The following MACROD2 variants were observed in gnomAD, a reference collection of about 807,000 sequenced individuals.
MACROD2 encodes the protein ADP-ribose glycohydrolase MACROD2.
In MACROD2, 36 loss-of-function variants were observed where a neutral mutation model predicts 70.4. That is an observed-to-expected ratio of 0.51 (90% confidence interval 0.39 to 0.68). MACROD2 has a LOEUF of 0.68. Among genes scored for constraint, MACROD2 ranks in the 30% least tolerant of loss-of-function variants. The probability of loss-of-function intolerance (pLI) is 0.00; values close to 1 mark genes in which losing one functional copy is unlikely to be tolerated. For missense variants in MACROD2, 496 were observed against 538.4 expected (o/e 0.92, Z 0.78); for synonymous variants, 172 against 178.8 (o/e 0.96, Z 0.30).
At chr20:14,885,341 A>G (rs1390618935) in intron 5 of MACROD2, among the ~76,000 whole-genome samples, 3 of 152,148 alleles carry the variant, frequency 2.0e-5, no homozygotes, top group Non-Finnish European at 4.4e-5. Context: ...ACTTAATCAG[A>G]TATTATTGTA....
intron 4 of MACROD2, among the ~76,000 whole-genome samples, chr20:14,557,224 T>G (rs1429197067): frequency 6.6e-6 from 1 of 151,826 alleles, no homozygotes; most frequent in Non-Finnish European, 1.5e-5. Context: ...AAAAATTAAC[T>G]CCGAATGGAT....
At chr20:15,700,348 C>T (rs1322172952) in intron 8 of MACROD2, among the ~76,000 whole-genome samples, 1 of 152,178 alleles carries the variant, frequency 6.6e-6, no homozygotes, top group Non-Finnish European at 1.5e-5. Context: ...GAGCATCAGG[C>T]TGCAAGGACG....
At chr20:14,994,387 G>A (rs915078007) in intron 5 of MACROD2, among the ~76,000 whole-genome samples, 43 of 151,798 alleles carry the variant, frequency 2.8e-4, no homozygotes, top group African/African-American at 8.9e-4. Flanking sequence ...AAGGAAAAAC[G>A]TTCTTGATCT....
chr20:14,955,127 A>AAT (rs2074521601), intron 5 of MACROD2, among the ~76,000 whole-genome samples: 1 of 32,164 alleles, frequency 3.1e-5, no homozygotes, highest in Admixed American at 3.1e-4. Flanking sequence ...TAACTTATAT[A>AAT]TTATAATTTA....
intron 12 of MACROD2, among the ~76,000 whole-genome samples, chr20:15,940,518 A>G (rs2065736529): frequency 6.6e-6 from 1 of 152,200 alleles, no homozygotes; most frequent in African/African-American, 2.4e-5. Flanking sequence ...TCACTGTCTT[A>G]TTTTAATAAA....
intron 8 of MACROD2, among the ~76,000 whole-genome samples, chr20:15,676,600 C>T (rs1358372046): frequency 6.6e-6 from 1 of 152,146 alleles, no homozygotes; most frequent in Non-Finnish European, 1.5e-5. Flanking sequence ...ATTTATGGGG[C>T]AGTTGAAACT....
chr20:14,969,395 C>T (rs1600889226), intron 5 of MACROD2, among the ~76,000 whole-genome samples: 1 of 145,996 alleles, frequency 6.8e-6, no homozygotes, highest in South Asian at 2.1e-4. Flanking sequence ...CACACACACA[C>T]ACACACATAT....
chr20:16,045,897 T>C (rs990704808), intron 17 of MACROD2, among the ~76,000 whole-genome samples: 1 of 152,080 alleles, frequency 6.6e-6, no homozygotes. Flanking sequence ...TATAATCCTC[T>C]TCCATACCCT....
intron 5 of MACROD2, among the ~76,000 whole-genome samples, chr20:14,990,413 C>G (rs1192643748): frequency 1.3e-5 from 2 of 151,902 alleles, no homozygotes; most frequent in African/African-American, 2.4e-5. Context: ...CTCAACTCCA[C>G]CAGGACCTGA....
chr20:15,312,098 G>C (rs1460780468), intron 6 of MACROD2, among the ~76,000 whole-genome samples: 1 of 152,116 alleles, frequency 6.6e-6, no homozygotes, highest in African/African-American at 2.4e-5. Context: ...CATAGAAAAT[G>C]TAACAACGTT....
At chr20:14,831,657 G>A in intron 5 of MACROD2, among the ~76,000 whole-genome samples, 1 of 151,488 alleles carries the variant, frequency 6.6e-6, no homozygotes, top group Admixed American at 6.6e-5. Flanking sequence ...GCGGGCGCTT[G>A]TAATCCCGGC....
intron 3 of MACROD2, chr20:14,323,490 G>C (rs6135118): frequency 0.39 from 58,835 of 151,910 alleles, 12,792 homozygotes; most frequent in Non-Finnish European, 0.49. Flanking sequence ...ATGGAGGCTT[G>C]ATTACATAGG....
At chr20:15,772,101 A>AAAAAAAAAAAAAATATATAT (rs1555777716) in intron 8 of MACROD2, among the ~76,000 whole-genome samples, 4 of 91,424 alleles carry the variant, frequency 4.4e-5, no homozygotes, top group Non-Finnish European at 5.7e-5. Context: ...AAAAAAAAAA[A>AAAAAAAAAAAAAATATATAT]ATATATATAT....
At chr20:14,755,134 G>A (rs2123742813) in intron 5 of MACROD2, among the ~76,000 whole-genome samples, 1 of 152,128 alleles carries the variant, frequency 6.6e-6, no homozygotes, top group African/African-American at 2.4e-5. Context: ...AGAAATTAGG[G>A]TGGGTGGAGA....
At chr20:14,966,557 CA>C (rs1731738614) in intron 5 of MACROD2, among the ~76,000 whole-genome samples, 1 of 152,182 alleles carries the variant, frequency 6.6e-6, no homozygotes, top group Admixed American at 6.5e-5. Context: ...GCCTGGGCAA[CA>C]GAGCAAGAAC....
At chr20:14,196,528 G>A (rs768773782) in intron 3 of MACROD2, among the ~76,000 whole-genome samples, 5 of 152,198 alleles carry the variant, frequency 3.3e-5, no homozygotes, top group Non-Finnish European at 5.9e-5. Flanking sequence ...CCTCTGGAAT[G>A]TTCTAAAAAT....
chr20:15,785,917 A>T (rs1426773953), intron 8 of MACROD2, among the ~76,000 whole-genome samples: 1 of 152,228 alleles, frequency 6.6e-6, no homozygotes, highest in East Asian at 1.9e-4. Context: ...ATCATATATC[A>T]CAGAAATAAT....
At chr20:15,620,134 G>A (rs1042549157) in intron 8 of MACROD2, among the ~76,000 whole-genome samples, 6 of 152,312 alleles carry the variant, frequency 3.9e-5, no homozygotes, top group Middle Eastern at 3.4e-3. Context: ...ATATGTGACT[G>A]CATGGAGATG....
intron 5 of MACROD2, among the ~76,000 whole-genome samples, chr20:14,869,594 ATCT>A (rs746573957): frequency 3.3e-5 from 5 of 152,162 alleles, no homozygotes; most frequent in African/African-American, 4.8e-5. Context: ...TCTTGCATAA[ATCT>A]TCTTGTTGAT....
Sources: allele counts gnomAD v4.1 joint callset (sites outside exome capture counted in the v4.1 genomes callset), GRCh38; gene constraint gnomAD v4.1.1; transcripts MANE v1.5; gene names NCBI Gene and HGNC (gene_info 2026-07-23, HGNC 2026-07-21).